Variants in TASP1 observed in about 807,000 individuals in gnomAD.
TASP1 encodes threonine aspartase 1.
In TASP1, 16 loss-of-function variants were observed where a neutral mutation model predicts 56.6. That is an observed-to-expected ratio of 0.28 (90% CI 0.19 to 0.43). TASP1 has a LOEUF of 0.43. TASP1 is among the 20% of genes least tolerant of loss of function. The pLI is 1.00. For missense variants in TASP1, 393 were observed against 511.6 expected (o/e 0.77, Z 2.24); for synonymous variants, 179 against 184.2 (o/e 0.97, Z 0.23).
At chr20:13,475,769 G>A (rs1038000773) in intron 11 of TASP1, among the ~76,000 whole-genome samples, 1 of 151,730 alleles carries the variant, frequency 6.6e-6, no homozygotes, top group Non-Finnish European at 1.5e-5. Flanking sequence ...GGTGGCGGAT[G>A]CTTGTAATCT....
At chr20:13,613,717 C>T (rs2147458681) in intron 4 of TASP1, among the ~76,000 whole-genome samples, 1 of 151,874 alleles carries the variant, frequency 6.6e-6, no homozygotes, top group South Asian at 2.1e-4. Context: ...GAGGCTGTAG[C>T]CAATTGGCTA....
the TASP1 span, among the ~76,000 whole-genome samples, chr20:13,341,054 T>C: frequency 2.6e-5 from 4 of 152,168 alleles, no homozygotes; most frequent in Admixed American, 2.6e-4. Flanking sequence ...ACCTACAGCT[T>C]GGGGAATGAG....
the TASP1 span, among the ~76,000 whole-genome samples, chr20:13,380,005 T>C: frequency 5.3e-5 from 8 of 152,352 alleles, no homozygotes; most frequent in Admixed American, 4.6e-4. Context: ...CTTCCTATCA[T>C]TGGGTTAGAA....
rs955347623 is a variant in TASP1 at position 13,419,903 on chromosome 20, G to A, written c.1097-2382C>T. Among the ~76,000 whole-genome samples, 9 of 152,216 alleles carry A rather than the reference G, an allele frequency of 5.9e-5. No individual in the cohort carries two copies. The South Asian group carries it at 1.2e-3, about 21-fold the overall frequency. On this transcript the variant is annotated intron_variant, in intron 12 of 13. Transcript: ENST00000337743. Reference sequence around the variant, plus strand: ...AGTTCTCTTCACCAGATGTTTTTTCGTCCACACACATCTGCTTTAAACTTC... The same window carrying A: ...AGTTCTCTTCACCAGATGTTTTTTCATCCACACACATCTGCTTTAAACTTC...
At chr20:13,362,729 A>G in the TASP1 span, among the ~76,000 whole-genome samples, 8 of 151,084 alleles carry the variant, frequency 5.3e-5, no homozygotes, top group African/African-American at 2.0e-4. Flanking sequence ...ATGAAATTCT[A>G]GAAAAAGCAA....
intron 4 of TASP1, among the ~76,000 whole-genome samples, chr20:13,591,019 T>A (rs2047511718): frequency 1.5e-5 from 2 of 137,378 alleles, no homozygotes; most frequent in Non-Finnish European, 1.6e-5. Flanking sequence ...ATTATCCAAA[T>A]AAATGACAAA....
At chr20:13,554,605 C>T (rs192145735) in intron 8 of TASP1, among the ~76,000 whole-genome samples, 2 of 151,928 alleles carry the variant, frequency 1.3e-5, no homozygotes, top group Admixed American at 1.3e-4. Context: ...GGAAATAGTG[C>T]AGGTTTCGTT....
intron 12 of TASP1, among the ~76,000 whole-genome samples, chr20:13,433,520 C>CAAAAAAAAAAAAAAA (rs74746255): frequency 1.7e-4 from 15 of 89,188 alleles, no homozygotes; most frequent in African/African-American, 5.2e-4. Flanking sequence ...GACAGTATGG[C>CAAAAAAAAAAAAAAA]AAAAAAAAAA....
At chr20:13,483,566 T>C (rs1020354347) in intron 10 of TASP1, among the ~76,000 whole-genome samples, 3 of 152,164 alleles carry the variant, frequency 2.0e-5, no homozygotes, top group Admixed American at 6.6e-5. Context: ...TACAAATTAA[T>C]ATGATACGTA....
At chr20:13,458,194 G>T (rs970344234) in intron 11 of TASP1, among the ~76,000 whole-genome samples, 5 of 152,010 alleles carry the variant, frequency 3.3e-5, no homozygotes, top group Non-Finnish European at 7.4e-5. Context: ...TTTCAAAACC[G>T]CACACTTATT....
At chr20:13,456,158 A>G (rs1411529583) in intron 11 of TASP1, among the ~76,000 whole-genome samples, 1 of 152,172 alleles carries the variant, frequency 6.6e-6, no homozygotes, top group African/African-American at 2.4e-5. Flanking sequence ...GAGCAAAAAC[A>G]TACCAGTCAA....
chr20:13,140,406 C>T, the TASP1 span, among the ~76,000 whole-genome samples: 1 of 152,200 alleles, frequency 6.6e-6, no homozygotes, highest in Admixed American at 6.5e-5. Flanking sequence ...ATGTTCATCA[C>T]ATTGGCACCC....
Position 13,408,544 on chromosome 20 carries a change from G to A in TASP1, c.1170+8904C>T, listed in dbSNP as rs1419175880. 2.6e-5 allele frequency among the ~76,000 whole-genome samples: 4 copies of A among 152,142 alleles called. No individual in the cohort carries two copies. In the East Asian group the frequency reaches 7.7e-4, roughly 29 times the overall value. On this transcript the variant is annotated intron_variant, in intron 13 of 13. Transcript: ENST00000337743. ...GGTTGGAAAACAATCCCTCTGCTTT[G>A]TTTTTCTGAAAGAAATGGCATAAGA...
intron 4 of TASP1, among the ~76,000 whole-genome samples, chr20:13,615,473 G>A (rs1360346065): frequency 6.6e-6 from 1 of 150,382 alleles, no homozygotes; most frequent in African/African-American, 2.4e-5. Context: ...AGAGAGGAGA[G>A]CAAGATTTAG....
the TASP1 span, among the ~76,000 whole-genome samples, chr20:13,305,169 C>A: frequency 7.0e-6 from 1 of 143,780 alleles, no homozygotes; most frequent in Non-Finnish European, 1.5e-5. Flanking sequence ...GAGACAGGAA[C>A]TCTACTAGAT....
the TASP1 span, among the ~76,000 whole-genome samples, chr20:13,319,387 A>T: frequency 6.6e-6 from 1 of 152,182 alleles, no homozygotes; most frequent in African/African-American, 2.4e-5. Context: ...TTGAAAACAG[A>T]GCTCAGAGAC....
chr20:13,505,221 G>GT (rs1407214341), intron 10 of TASP1, among the ~76,000 whole-genome samples: 1 of 152,058 alleles, frequency 6.6e-6, no homozygotes, highest in African/African-American at 2.4e-5. Context: ...CCAAAAGGAT[G>GT]TAACAATTGT....
intron 11 of TASP1, among the ~76,000 whole-genome samples, chr20:13,461,720 T>C (rs1018167412): frequency 2.6e-5 from 4 of 152,186 alleles, no homozygotes; most frequent in Non-Finnish European, 4.4e-5. Context: ...GGATTGAACC[T>C]GCAGGCCATA....
At chr20:13,461,425 G>A (rs1488383798) in intron 11 of TASP1, among the ~76,000 whole-genome samples, 1 of 152,102 alleles carries the variant, frequency 6.6e-6, no homozygotes, top group Non-Finnish European at 1.5e-5. Context: ...CTAGTGCCTG[G>A]CCTGAAACAT....
Sources: gnomAD v4.1 joint callset for allele counts (sites outside exome capture counted in the v4.1 genomes callset) on GRCh38, gnomAD v4.1.1 for gene constraint, MANE v1.5 for transcripts, NCBI Gene and HGNC (gene_info 2026-07-23, HGNC 2026-07-21) for gene names.